CLCN5: variants seen among roughly 807,000 people sequenced by gnomAD.
CLCN5 encodes Cl-/H+ antiporter 5, also known as H(+)/Cl(-) exchange transporter 5.
Under a neutral mutation model 54.0 loss-of-function variants are expected in CLCN5, and 17 were observed. That is an observed-to-expected ratio of 0.31 (90% CI 0.22 to 0.47). The LOEUF is 0.47. CLCN5 is among the 20% of genes least tolerant of loss of function. CLCN5 has a pLI of 1.00. For synonymous variants in CLCN5, 222 were observed against 233.0 expected (o/e 0.95, Z 0.43); for missense variants, 448 against 646.7 (o/e 0.69, Z 3.33).
At chrX:49,933,932 A>G (rs1001956141) in intron 3 of CLCN5, among the ~76,000 whole-genome samples, 12 of 111,444 alleles carry the variant, frequency 1.1e-4, no homozygotes, top group Admixed American at 9.6e-4. Context: ...GGGTCTTCAG[A>G]GGTGATCTGT....
At chrX:50,035,855 G>C (rs1354073827) in intron 3 of CLCN5, among the ~76,000 whole-genome samples, 1 of 112,609 alleles carries the variant, frequency 8.9e-6, no homozygotes, top group African/African-American at 3.2e-5. Flanking sequence ...TACAAGCTTT[G>C]TAACACAAAT....
At chrX:49,940,332 T>C (rs1557170597) in intron 3 of CLCN5, among the ~76,000 whole-genome samples, 1 of 112,041 alleles carries the variant, frequency 8.9e-6, no homozygotes, top group Admixed American at 9.5e-5. Context: ...CATGACACTT[T>C]CATGTTCCCT....
chrX:50,088,289 G>A, intron 11 of CLCN5: 1 of 144,565 alleles, frequency 6.9e-6, no homozygotes, highest in East Asian at 1.9e-4. Context: ...TGCATGTAGA[G>A]CGTCCAGCAT....
intron 3 of CLCN5, among the ~76,000 whole-genome samples, chrX:49,951,559 A>C (rs781952542): frequency 1.8e-5 from 2 of 112,356 alleles, no homozygotes; most frequent in African/African-American, 3.2e-5. Context: ...GAACATGTAC[A>C]CACACAACTG....
intron 3 of CLCN5, among the ~76,000 whole-genome samples, chrX:49,969,276 C>A (rs782605627): frequency 9.0e-6 from 1 of 111,410 alleles, no homozygotes; most frequent in Non-Finnish European, 1.9e-5. Flanking sequence ...CAGGGTTTTG[C>A]CATGTTGGCC....
intron 3 of CLCN5, chrX:50,008,314 A>G (rs1557181833): frequency 6.7e-5 from 14 of 210,299 alleles, no homozygotes; most frequent in Admixed American, 4.8e-4. Context: ...GTTTAACTAG[A>G]CATCTTTAAT....
chrX:49,944,041 G>A (rs1926544637), intron 3 of CLCN5, among the ~76,000 whole-genome samples: 1 of 111,971 alleles, frequency 8.9e-6, no homozygotes, highest in South Asian at 3.7e-4. Flanking sequence ...CATGAGCATG[G>A]AATGTTCTTC....
At chrX:49,979,435 T>C (rs1165183920) in intron 3 of CLCN5, among the ~76,000 whole-genome samples, 1 of 111,880 alleles carries the variant, frequency 8.9e-6, no homozygotes, top group Middle Eastern at 4.2e-3. Flanking sequence ...AACTTGTCTA[T>C]AAGTCTCGTA....
At position 50,085,860 on chromosome X, in the gene CLCN5, T is replaced by C. The variant is rs782398832; in HGVS notation, c.934-120T>C. ...TGTTTGAATTTTGTTTTTGATGATA[T>C]GGAACATCTAGAGGTATTTTTAAAT... On this transcript the variant is annotated intron_variant, in intron 9 of 14. Coordinates refer to ENST00000376091, the MANE Select transcript of CLCN5 (RefSeq NM_001127898.4). The C allele has an allele frequency of 3.8e-4, 240 of 624,092 alleles. 1 individual carries two copies. The South Asian group carries it at 5.3e-3, about 14-fold the overall frequency. 51.4% of individuals were successfully genotyped at this position (624,092 alleles called of 1,213,427 possible).
intron 3 of CLCN5, among the ~76,000 whole-genome samples, chrX:49,958,352 A>T (rs1276363127): frequency 9.0e-6 from 1 of 111,317 alleles, no homozygotes; most frequent in East Asian, 2.8e-4. Flanking sequence ...TCAATCATAA[A>T]TCATCCTACT....
chrX:49,989,731 G>A (rs1929164104), intron 3 of CLCN5, among the ~76,000 whole-genome samples: 1 of 111,539 alleles, frequency 9.0e-6, no homozygotes, highest in East Asian at 2.8e-4. Flanking sequence ...AGTTATTGCC[G>A]GATCTGATTT....
chrX:50,097,073 C>G lies in CLCN5; in HGVS notation c.*4854C>G, dbSNP rs1376453794. On this transcript the variant is annotated 3_prime_UTR_variant, in exon 15 of 15. Coordinates refer to ENST00000376091, the MANE Select transcript of CLCN5 (RefSeq NM_001127898.4). ...TATGGAAAAAAAAGTAAGAGTTCCT[C>G]AGATCAGAGCTCAGTAGCTGTGTCA... 4 of 112,270 alleles carry G rather than the reference C, an allele frequency of 3.6e-5. No homozygotes were observed. The highest frequency in any genetic ancestry group is 1.3e-4 in the African/African-American group (4 of 30,870). The allele number at this position is 112,270 out of a possible 1,213,427, so 9.3% of individuals were successfully genotyped here. A position where few individuals can be genotyped will look rare whatever the true frequency, so the allele number is the denominator to read the frequency against.
intron 9 of CLCN5, among the ~76,000 whole-genome samples, chrX:50,084,572 C>T (rs782327029): frequency 6.3e-5 from 7 of 110,997 alleles, no homozygotes; most frequent in Non-Finnish European, 1.3e-4. Flanking sequence ...TTTGTAGAGA[C>T]TGGGTTTTGC....
rs1322493973 is a variant in CLCN5, at chrX:50,093,867, G to T, written c.*1648G>T. On this transcript the variant is annotated 3_prime_UTR_variant, in exon 15 of 15. Coordinates refer to ENST00000376091, the MANE Select transcript of CLCN5 (RefSeq NM_001127898.4). Reference sequence around the variant, plus strand: ...GCCATTTCCTTTGCCATGTGGCCCAGTTGCTGCTGCCATGCCTCCATTTCC... The same window carrying T: ...GCCATTTCCTTTGCCATGTGGCCCATTTGCTGCTGCCATGCCTCCATTTCC... The T allele has an allele frequency of 8.9e-6, 1 of 112,054 alleles. No homozygotes were observed. The highest frequency in any genetic ancestry group is 1.9e-5 in the Non-Finnish European group (1 of 53,269). The allele number at this position is 112,054 out of a possible 1,213,427, so 9.2% of individuals were successfully genotyped here. A position where few individuals can be genotyped will look rare whatever the true frequency, so the allele number is the denominator to read the frequency against.
At chrX:49,962,156 A>G (rs141455600) in intron 3 of CLCN5, among the ~76,000 whole-genome samples, 1 of 112,162 alleles carries the variant, frequency 8.9e-6, no homozygotes, top group African/African-American at 3.2e-5. Context: ...TTGCATGAAT[A>G]AAAATAAACT....
intron 3 of CLCN5, among the ~76,000 whole-genome samples, chrX:49,951,383 A>G (rs1311085294): frequency 2.7e-5 from 3 of 112,060 alleles, no homozygotes; most frequent in Non-Finnish European, 5.6e-5. Flanking sequence ...TGTTTGCATT[A>G]TTAAGGGGTA....
At chrX:50,057,402 T>C (rs782241308) in intron 4 of CLCN5, among the ~76,000 whole-genome samples, 1 of 78,161 alleles carries the variant, frequency 1.3e-5, no homozygotes, top group East Asian at 4.7e-4. Flanking sequence ...TCCAGGACTC[T>C]CCTGGATAGA....
intron 3 of CLCN5, among the ~76,000 whole-genome samples, chrX:49,982,569 C>T (rs782252987): frequency 9.0e-6 from 1 of 111,720 alleles, no homozygotes; most frequent in African/African-American, 3.2e-5. Context: ...GTTACATACA[C>T]ATAAAGGCTA....
chrX:50,032,855 T>C (rs1211844627), intron 3 of CLCN5, among the ~76,000 whole-genome samples: 1 of 110,295 alleles, frequency 9.1e-6, no homozygotes, highest in Non-Finnish European at 1.9e-5. Flanking sequence ...TGGTTTTAGG[T>C]CTAACGTTTA....
Sources: gnomAD v4.1 joint callset for allele counts (sites outside exome capture counted in the v4.1 genomes callset) on GRCh38, gnomAD v4.1.1 for gene constraint, MANE v1.5 for transcripts, NCBI Gene and HGNC (gene_info 2026-07-23, HGNC 2026-07-21) for gene names.